ZNF609: variants seen among roughly 807,000 people sequenced by gnomAD.
ZNF609 encodes zinc finger protein 609.
A neutral mutation model predicts 109.5 loss-of-function variants in ZNF609; 11 were observed. That is an observed-to-expected ratio of 0.10 (90% CI 0.06 to 0.17). The LOEUF is 0.17. Ranked by LOEUF, ZNF609 falls within the 10% of genes least tolerant of loss-of-function variation. The pLI, the probability that ZNF609 is intolerant of heterozygous loss-of-function variation, is 1.00. For missense variants in ZNF609, 1,559 were observed against 1,772.4 expected (o/e 0.88, Z 2.16); for synonymous variants, 646 against 662.0 (o/e 0.98, Z 0.37).
intron 2 of ZNF609, among the ~76,000 whole-genome samples, chr15:64,584,285 C>G (rs561691784): frequency 3.4e-4 from 51 of 152,154 alleles, no homozygotes; most frequent in Non-Finnish European, 6.5e-4. Flanking sequence ...TGGCGAAACC[C>G]AGTCTGTATT....
chr15:64,679,479 C>T (rs1328339385), intron 6 of ZNF609, among the ~76,000 whole-genome samples: 1 of 152,200 alleles, frequency 6.6e-6, no homozygotes, highest in Admixed American at 6.5e-5. Flanking sequence ...ACTGCTTTAG[C>T]CTCACTCCTT....
At chr15:64,586,119 G>T (rs925531198) in intron 2 of ZNF609, among the ~76,000 whole-genome samples, 2 of 152,156 alleles carry the variant, frequency 1.3e-5, no homozygotes, top group African/African-American at 4.8e-5. Context: ...GAGGTCAGGA[G>T]TTCGAGACCA....
chr15:64,532,405 T>C (rs1037795973), intron 2 of ZNF609, among the ~76,000 whole-genome samples: 2 of 152,236 alleles, frequency 1.3e-5, no homozygotes, highest in Non-Finnish European at 2.9e-5. Context: ...TTTGTGAATC[T>C]TTGTTTCTCA....
intron 2 of ZNF609, among the ~76,000 whole-genome samples, chr15:64,583,628 G>T (rs1895147946): frequency 6.6e-6 from 1 of 152,166 alleles, no homozygotes; most frequent in African/African-American, 2.4e-5. Context: ...GACTGTTGCT[G>T]TGAGTGTTTC....
chr15:64,588,879 G>A (rs548880632), intron 2 of ZNF609, among the ~76,000 whole-genome samples: 2 of 152,110 alleles, frequency 1.3e-5, no homozygotes, highest in South Asian at 4.2e-4. Context: ...CTCGGGTTCG[G>A]GTTATCCACC....
chr15:64,584,273 C>G (rs973541225), intron 2 of ZNF609, among the ~76,000 whole-genome samples: 10 of 152,076 alleles, frequency 6.6e-5, no homozygotes, highest in African/African-American at 2.4e-4. Flanking sequence ...GCCTGGGCAA[C>G]ATGGCGAAAC....
At chr15:64,540,153 T>C (rs1166181837) in intron 2 of ZNF609, among the ~76,000 whole-genome samples, 1 of 152,206 alleles carries the variant, frequency 6.6e-6, no homozygotes, top group African/African-American at 2.4e-5. Context: ...TTTTCTCCCA[T>C]CTTCCCGCAT....
chr15:64,500,526 G>A (rs1893546498), intron 2 of ZNF609: 1 of 613,264 alleles, frequency 1.6e-6, no homozygotes, highest in South Asian at 2.0e-5. Context: ...CAGCTTGACT[G>A]GCATTTCATC....
chr15:64,623,504 A>G (rs1895909256), intron 3 of ZNF609, among the ~76,000 whole-genome samples: 1 of 152,186 alleles, frequency 6.6e-6, no homozygotes, highest in Non-Finnish European at 1.5e-5. Flanking sequence ...TAACACCTAT[A>G]GGTACAGCCA....
intron 2 of ZNF609, among the ~76,000 whole-genome samples, chr15:64,541,628 C>T (rs1254034035): frequency 6.6e-6 from 1 of 151,312 alleles, no homozygotes; most frequent in African/African-American, 2.4e-5. Flanking sequence ...ATCACGAGGT[C>T]AGGAGATCGA....
At chr15:64,566,588 G>A (rs1175427539) in intron 2 of ZNF609, among the ~76,000 whole-genome samples, 1 of 152,188 alleles carries the variant, frequency 6.6e-6, no homozygotes, top group Non-Finnish European at 1.5e-5. Flanking sequence ...AGGCCAGTTA[G>A]CTAAACACTA....
intron 2 of ZNF609, among the ~76,000 whole-genome samples, chr15:64,508,500 A>G (rs1893667480): frequency 1.3e-5 from 2 of 152,096 alleles, no homozygotes. Flanking sequence ...TCTTGTTGAA[A>G]GTACTCTGTA....
At chr15:64,618,373 C>G (rs571352666) in intron 2 of ZNF609, among the ~76,000 whole-genome samples, 4 of 152,286 alleles carry the variant, frequency 2.6e-5, no homozygotes, top group Admixed American at 6.5e-5. Context: ...CCGGCAGTGT[C>G]TAGGGGTGAA....
intron 2 of ZNF609, among the ~76,000 whole-genome samples, chr15:64,533,656 C>G (rs1183200125): frequency 6.6e-6 from 1 of 151,992 alleles, no homozygotes. Context: ...TGGTTTTTGT[C>G]TACTCTATTT....
At chr15:64,602,550 T>C (rs991069535) in intron 2 of ZNF609, among the ~76,000 whole-genome samples, 3 of 152,038 alleles carry the variant, frequency 2.0e-5, no homozygotes, top group African/African-American at 7.2e-5. Context: ...TTTTCAGACT[T>C]CTTTGTGGTC....
chr15:64,462,618 T>C (rs1300755759), intron 1 of ZNF609, among the ~76,000 whole-genome samples: 1 of 151,756 alleles, frequency 6.6e-6, no homozygotes, highest in Non-Finnish European at 1.5e-5. Context: ...AAATAAAAAA[T>C]AAAAAAGTCA....
intron 3 of ZNF609, chr15:64,643,933 C>T (rs571668211): frequency 6.7e-6 from 1 of 149,594 alleles, no homozygotes; most frequent in African/African-American, 2.5e-5. Flanking sequence ...CCTTCTCTAT[C>T]AAAAAAAAAA....
chr15:64,571,960 G>C (rs1425531963), intron 2 of ZNF609, among the ~76,000 whole-genome samples: 4 of 152,110 alleles, frequency 2.6e-5, no homozygotes, highest in African/African-American at 9.7e-5. Flanking sequence ...TTGAGTCTTT[G>C]TTTGGTTAGG....
intron 2 of ZNF609, among the ~76,000 whole-genome samples, chr15:64,539,379 T>C (rs1043392860): frequency 1.3e-5 from 2 of 151,650 alleles, no homozygotes; most frequent in African/African-American, 4.8e-5. Context: ...GGCTAATTTT[T>C]TGTATTTTTA....
Sources: allele counts gnomAD v4.1 joint callset (sites outside exome capture counted in the v4.1 genomes callset), GRCh38; gene constraint gnomAD v4.1.1; transcripts MANE v1.5; gene names NCBI Gene and HGNC (gene_info 2026-07-23, HGNC 2026-07-21).